SEMA3C: variants seen among roughly 807,000 people sequenced by gnomAD.
SEMA3C encodes semaphorin-3C.
In SEMA3C, 47 loss-of-function variants were observed where a neutral mutation model predicts 89.4. That is an observed-to-expected ratio of 0.53 (90% CI 0.42 to 0.67). The LOEUF (loss-of-function observed/expected upper bound fraction) is 0.67. Ranked by LOEUF, SEMA3C falls within the 30% of genes least tolerant of loss-of-function variation. The pLI is 0.00. For missense variants in SEMA3C, 839 were observed against 929.1 expected (o/e 0.90, Z 1.26); for synonymous variants, 310 against 320.2 (o/e 0.97, Z 0.34).
chr7:80,890,337 G>A (rs1791581858), intron 2 of SEMA3C, among the ~76,000 whole-genome samples: 2 of 152,086 alleles, frequency 1.3e-5, no homozygotes, highest in Non-Finnish European at 2.9e-5. Context: ...CCCTTTGGTT[G>A]TGGCCCCCTT....
chr7:80,871,234 T>C (rs1470383006), intron 2 of SEMA3C, among the ~76,000 whole-genome samples: 2 of 152,206 alleles, frequency 1.3e-5, no homozygotes, highest in Non-Finnish European at 2.9e-5. Context: ...GGTAAAGATA[T>C]GCAGGAAAAG....
At chr7:80,810,199 T>C (rs1337087683) in intron 6 of SEMA3C, among the ~76,000 whole-genome samples, 3 of 151,976 alleles carry the variant, frequency 2.0e-5, no homozygotes, top group African/African-American at 7.3e-5. Context: ...TTGTATCCTA[T>C]AAATATATAC....
rs200551531 is a variant in SEMA3C, at chr7:80,863,989, G to A, written c.104-35244C>T. Among the ~76,000 whole-genome samples, 4 of 145,348 alleles carry A rather than the reference G, an allele frequency of 2.8e-5. No individual in the cohort carries two copies. In the South Asian group the frequency reaches 8.7e-4, roughly 31 times the overall value. ...CACATATATATCACATATATCACAT[G>A]TATATCACATATATATCGCATGTAT... On this transcript the variant is annotated intron_variant, in intron 2 of 17. Coordinates refer to ENST00000265361, the MANE Select transcript of SEMA3C (RefSeq NM_006379.5).
intron 12 of SEMA3C, among the ~76,000 whole-genome samples, chr7:80,784,465 T>G (rs543054469): frequency 6.6e-6 from 1 of 152,160 alleles, no homozygotes; most frequent in South Asian, 2.1e-4. Flanking sequence ...GCAGCATTTT[T>G]TTTTACTCAA....
At chr7:80,866,472 T>A (rs969188876) in intron 2 of SEMA3C, among the ~76,000 whole-genome samples, 3 of 152,066 alleles carry the variant, frequency 2.0e-5, no homozygotes, top group Admixed American at 2.0e-4. Flanking sequence ...CTCAGCAGCA[T>A]AAGACAGGGC....
In SEMA3C at chr7:80,744,787, C is replaced by G; in HGVS notation, c.*107G>C. 7.7e-7 allele frequency: 1 copy of G among 1,299,620 alleles called. No homozygotes were observed. Among genetic ancestry groups the G allele is most frequent in the South Asian group, 1.3e-5 (1 of 79,970 alleles). 80.5% of individuals were successfully genotyped at this position (1,299,620 alleles called of 1,614,324 possible). On this transcript the variant is annotated 3_prime_UTR_variant, in exon 18 of 18. Coordinates refer to ENST00000265361, the MANE Select transcript of SEMA3C (RefSeq NM_006379.5). Reference sequence around the variant, plus strand: ...TAAAACTCACTTCAGGAGTAATCACCTTTTTCAGTAATTCCCCTTGGTAAA... The same window carrying G: ...TAAAACTCACTTCAGGAGTAATCACGTTTTTCAGTAATTCCCCTTGGTAAA...
At chr7:80,764,580 T>G (rs1370082478) in intron 13 of SEMA3C, among the ~76,000 whole-genome samples, 4 of 152,092 alleles carry the variant, frequency 2.6e-5, no homozygotes, top group African/African-American at 9.7e-5. Context: ...TTTCTGTCCT[T>G]TTTTTCTTTT....
chr7:80,870,332 T>TA (rs111796264), intron 2 of SEMA3C, among the ~76,000 whole-genome samples: 18,895 of 152,198 alleles, frequency 0.12, 1,948 homozygotes, highest in African/African-American at 0.28. Flanking sequence ...ACTGACTTTT[T>TA]AAAAAAGTCA....
At chr7:80,842,070 T>A (rs1790282379) in intron 2 of SEMA3C, among the ~76,000 whole-genome samples, 1 of 152,134 alleles carries the variant, frequency 6.6e-6, no homozygotes, top group Non-Finnish European at 1.5e-5. Flanking sequence ...ACAAGGTCAG[T>A]GACTCTGCAG....
chr7:80,914,476 C>T (rs1792224549), intron 2 of SEMA3C, among the ~76,000 whole-genome samples: 1 of 147,504 alleles, frequency 6.8e-6, no homozygotes, highest in African/African-American at 2.4e-5. Context: ...CTGTTTTCGC[C>T]TGATACTTTC....
chr7:80,847,671 T>C (rs1375122952), intron 2 of SEMA3C, among the ~76,000 whole-genome samples: 1 of 152,066 alleles, frequency 6.6e-6, no homozygotes, highest in Non-Finnish European at 1.5e-5. Flanking sequence ...GAATCCACAA[T>C]ATAATTTGTC....
Position 80,751,268 on chromosome 7 carries a change from C to T in SEMA3C, c.1711+1G>A. ...GATTGGCCATTGCTCACTTTTAATA[C>T]CTTTTAGATTAAATCCTCTGCATTG... On this transcript the variant is annotated splice_donor_variant, in intron 16 of 17. Coordinates refer to ENST00000265361, the MANE Select transcript of SEMA3C (RefSeq NM_006379.5). LOFTEE classifies it high-confidence loss of function. 1.2e-6 allele frequency: 2 copies of T among 1,613,412 alleles called. No homozygotes were observed. Among genetic ancestry groups the T allele is most frequent in the East Asian group, 4.5e-5 (2 of 44,856 alleles).
At chr7:80,746,578 T>C (rs1272703642) in intron 17 of SEMA3C, among the ~76,000 whole-genome samples, 1 of 152,076 alleles carries the variant, frequency 6.6e-6, no homozygotes, top group Non-Finnish European at 1.5e-5. Flanking sequence ...TGTGTGCAGG[T>C]ATTTTTGATA....
intron 12 of SEMA3C, among the ~76,000 whole-genome samples, chr7:80,774,655 T>G (rs1469629459): frequency 6.6e-6 from 1 of 152,078 alleles, no homozygotes; most frequent in Non-Finnish European, 1.5e-5. Flanking sequence ...GAAGACAGAT[T>G]ATAGAATTTA....
chr7:80,809,065 C>T (rs1249483274), intron 6 of SEMA3C, among the ~76,000 whole-genome samples: 2 of 152,206 alleles, frequency 1.3e-5, no homozygotes, highest in Admixed American at 6.5e-5. Flanking sequence ...GCATGAACCA[C>T]TGTGCCCGGC....
intron 2 of SEMA3C, among the ~76,000 whole-genome samples, chr7:80,863,217 C>T (rs1262728551): frequency 8.2e-5 from 12 of 145,648 alleles, no homozygotes; most frequent in African/African-American, 1.8e-4. Flanking sequence ...GGTGACAGAG[C>T]GAGACTCCAT....
At chr7:80,849,442 CT>C (rs1790461137) in intron 2 of SEMA3C, among the ~76,000 whole-genome samples, 1 of 152,100 alleles carries the variant, frequency 6.6e-6, no homozygotes, top group Admixed American at 6.6e-5. Flanking sequence ...CTATAAGTTT[CT>C]TTTATCATTA....
At chr7:80,771,082 T>C (rs1788421761) in intron 12 of SEMA3C, among the ~76,000 whole-genome samples, 1 of 152,234 alleles carries the variant, frequency 6.6e-6, no homozygotes. Flanking sequence ...GTGTGGTCAC[T>C]TTCAGTTGAA....
intron 11 of SEMA3C, among the ~76,000 whole-genome samples, chr7:80,793,819 A>C (rs920019731): frequency 6.6e-6 from 1 of 151,788 alleles, no homozygotes; most frequent in African/African-American, 2.4e-5. Flanking sequence ...TAAATGCAAA[A>C]CTAGGCTGAG....
Sources: gnomAD v4.1 joint callset for allele counts (sites outside exome capture counted in the v4.1 genomes callset) on GRCh38, gnomAD v4.1.1 for gene constraint, MANE v1.5 for transcripts, NCBI Gene and HGNC (gene_info 2026-07-23, HGNC 2026-07-21) for gene names.